The following DPF3 variants were observed in gnomAD, a reference collection of about 807,000 sequenced individuals.
The protein encoded by DPF3 is double PHD fingers 3.
DPF3 carries 18 observed loss-of-function variants against 56.8 expected under a neutral mutation model. The ratio of observed to expected loss-of-function variants is 0.32; its 90% CI spans 0.22 to 0.47. The LOEUF is 0.47. DPF3 is among the 20% of genes least tolerant of loss of function. The pLI is 1.00. For missense variants in DPF3, 403 were observed against 488.8 expected (o/e 0.82, Z 1.65); for synonymous variants, 188 against 180.2 (o/e 1.04, Z -0.35).
chr14:72,769,016 T>C (rs544317105), intron 2 of DPF3, among the ~76,000 whole-genome samples: 35 of 152,010 alleles, frequency 2.3e-4, no homozygotes, highest in African/African-American at 8.2e-4. Flanking sequence ...ATTTCTAGGA[T>C]TTTTTGGTGT....
chr14:72,672,058 C>G (rs541378997), intron 8 of DPF3, among the ~76,000 whole-genome samples: 1,432 of 72,594 alleles, frequency 0.02, 9 homozygotes, highest in African/African-American at 0.051. Context: ...CACACACACA[C>G]AGACACACAC....
intron 1 of DPF3, chr14:72,892,374 C>A: frequency 6.5e-7 from 1 of 1,527,730 alleles, no homozygotes; most frequent in Non-Finnish European, 8.7e-7. Context: ...CTGTGGCGTT[C>A]AAGCGCAGTG....
At chr14:72,837,503 C>T (rs1335459457) in intron 1 of DPF3, among the ~76,000 whole-genome samples, 2 of 152,000 alleles carry the variant, frequency 1.3e-5, no homozygotes, top group Middle Eastern at 3.4e-3. Context: ...TTTGGGAAGC[C>T]GAGGCGGGTG....
At chr14:72,811,936 C>A (rs897387235) in intron 1 of DPF3, among the ~76,000 whole-genome samples, 1 of 152,156 alleles carries the variant, frequency 6.6e-6, no homozygotes, top group African/African-American at 2.4e-5. Context: ...GCAGTAAAGT[C>A]TTGAGTCCAA....
chr14:72,809,856 C>G (rs1205465238), intron 1 of DPF3, among the ~76,000 whole-genome samples: 3 of 152,222 alleles, frequency 2.0e-5, no homozygotes, highest in Non-Finnish European at 4.4e-5. Context: ...GTTCTAGAAG[C>G]AAGTGCTTGA....
chr14:72,783,474 T>C (rs1418036564), intron 1 of DPF3, among the ~76,000 whole-genome samples: 2 of 152,144 alleles, frequency 1.3e-5, no homozygotes, highest in African/African-American at 4.8e-5. Context: ...TGGAAGTCAG[T>C]GCTGGCAGGA....
intron 7 of DPF3, among the ~76,000 whole-genome samples, chr14:72,683,996 G>A (rs1887289005): frequency 6.6e-6 from 1 of 152,116 alleles, no homozygotes; most frequent in Admixed American, 6.5e-5. Flanking sequence ...ATTCAAACGT[G>A]ATGAAAGTGT....
chr14:72,870,703 C>T (rs61988467), intron 1 of DPF3, among the ~76,000 whole-genome samples: 6,836 of 152,192 alleles, frequency 0.045, 238 homozygotes, highest in Non-Finnish European at 0.074. Context: ...TTTAAAGATG[C>T]CAGTGTAAGG....
At chr14:72,698,099 A>T (rs1887987596) in intron 6 of DPF3, among the ~76,000 whole-genome samples, 1 of 152,210 alleles carries the variant, frequency 6.6e-6, no homozygotes, top group South Asian at 2.1e-4. Context: ...TCCCCCAGGG[A>T]AGTCTTTCAA....
In DPF3 at chr14:72,723,769, T is replaced by C. The variant is rs772447415; in HGVS notation, c.430-41A>G. ...AAAATAGAAAAGGTGAGAAACGAAA[T>C]GCAAAGGGAAAAACCATCAGAGAGT... On this transcript the variant is annotated intron_variant, in intron 4 of 10. Coordinates refer to ENST00000556509, the MANE Select transcript of DPF3 (RefSeq NM_001280542.3). 6.5e-6 allele frequency: 10 copies of C among 1,536,644 alleles called. No homozygotes were observed. The South Asian group carries it at 9.7e-5, about 15-fold the overall frequency.
chr14:72,756,947 A>AAGGGAGAGGGAAAGAGGG (rs1890858341), intron 2 of DPF3, among the ~76,000 whole-genome samples: 2 of 144,336 alleles, frequency 1.4e-5, no homozygotes, highest in African/African-American at 2.6e-5. Context: ...AGAGAAGAGA[A>AAGGGAGAGGGAAAGAGGG]AGGGAGAGGG....
chr14:72,657,875 C>A (rs552728690), intron 8 of DPF3, among the ~76,000 whole-genome samples: 35 of 152,246 alleles, frequency 2.3e-4, no homozygotes, highest in African/African-American at 8.2e-4. Context: ...TGGTGTGTTA[C>A]AGGAGAAATT....
intron 6 of DPF3, among the ~76,000 whole-genome samples, chr14:72,709,566 T>TGA (rs1196603993): frequency 1.1e-4 from 17 of 152,290 alleles, no homozygotes; most frequent in African/African-American, 4.1e-4. Context: ...TAATTAACTT[T>TGA]GAAAATGCTT....
At chr14:72,693,934 T>C (rs963393621) in intron 6 of DPF3, among the ~76,000 whole-genome samples, 1 of 152,246 alleles carries the variant, frequency 6.6e-6, no homozygotes, top group African/African-American at 2.4e-5. Flanking sequence ...AAAGCATCCT[T>C]GGTGAGTGTA....
rs919213594 is a variant in DPF3 at position 72,616,752 on chromosome 14, T to C, written c.*2545A>G. 2.6e-5 allele frequency among the ~76,000 whole-genome samples: 4 copies of C among 152,218 alleles called. No homozygotes were observed. The highest frequency in any genetic ancestry group is 7.2e-5 in the African/African-American group (3 of 41,444). On this transcript the variant is annotated 3_prime_UTR_variant, in exon 11 of 11. Transcript: ENST00000556509. ...ACTCTGATCCTTCACATGCATCCTATGATTCTATCTCATTCTCTGGGGTTC... is the reference window on the plus strand; with the variant it reads ...ACTCTGATCCTTCACATGCATCCTACGATTCTATCTCATTCTCTGGGGTTC...
rs898630611 is a variant in DPF3, at chr14:72,744,116, C to A, written c.301+9148G>T. Among the ~76,000 whole-genome samples the A allele has an allele frequency of 1.3e-5, 2 of 152,308 alleles. 1 individual carries two copies. Among genetic ancestry groups the A allele is most frequent in the South Asian group, 4.1e-4 (2 of 4,824 alleles). On this transcript the variant is annotated intron_variant, in intron 3 of 10. Coordinates refer to ENST00000556509, the MANE Select transcript of DPF3 (RefSeq NM_001280542.3). ...TCCCAGATCTCAGGCCCTTCCTATC[C>A]CCATGCAGACAGATTTTTATTTTCA...
chr14:72,866,952 C>T (rs554923125), intron 1 of DPF3, among the ~76,000 whole-genome samples: 1 of 150,174 alleles, frequency 6.7e-6, no homozygotes, highest in East Asian at 2.0e-4. Context: ...TAAGGGTATT[C>T]TTTTCTAACC....
chr14:72,718,818 T>C (rs2057961915), intron 5 of DPF3, among the ~76,000 whole-genome samples: 1 of 130,034 alleles, frequency 7.7e-6, no homozygotes, highest in African/African-American at 2.8e-5. Flanking sequence ...CAGGCTGGAG[T>C]GCAGTGGCTC....
At chr14:72,742,701 TGGA>T (rs1453167236) in intron 3 of DPF3, 1 of 152,296 alleles carries the variant, frequency 6.6e-6, no homozygotes, top group Admixed American at 6.5e-5. Context: ...GAGCAAATGG[TGGA>T]GAAGCCTGGA....
Sources: allele counts gnomAD v4.1 joint callset (sites outside exome capture counted in the v4.1 genomes callset), GRCh38; gene constraint gnomAD v4.1.1; transcripts MANE v1.5; gene names NCBI Gene and HGNC (gene_info 2026-07-23, HGNC 2026-07-21).